Variants in JAM3 observed in about 807,000 individuals in gnomAD.
JAM3 encodes the protein junctional adhesion molecule C.
In JAM3, 31 loss-of-function variants were observed where a neutral mutation model predicts 39.4. The observed-to-expected ratio is 0.79, with a 90% CI of 0.59 to 1.06. The LOEUF is 1.06. JAM3 is among the 50% of genes least tolerant of loss of function. The probability of loss-of-function intolerance (pLI) is 0.00; values close to 1 mark genes in which losing one functional copy is unlikely to be tolerated. For missense variants in JAM3, 455 were observed against 391.4 expected (o/e 1.16, Z -1.37); for synonymous variants, 182 against 148.7 (o/e 1.22, Z -1.63).
At chr11:134,122,488 G>A (rs1254615081) in intron 1 of JAM3, among the ~76,000 whole-genome samples, 4 of 152,184 alleles carry the variant, frequency 2.6e-5, no homozygotes, top group African/African-American at 9.7e-5. Flanking sequence ...ACCCAGCCAA[G>A]AATCTGCAGA....
At chr11:134,114,266 G>T (rs1252375929) in intron 1 of JAM3, among the ~76,000 whole-genome samples, 1 of 152,168 alleles carries the variant, frequency 6.6e-6, no homozygotes, top group African/African-American at 2.4e-5. Flanking sequence ...TGAAGTCCTT[G>T]CCCATGCCTA....
At chr11:134,103,725 T>C (rs1255013217) in intron 1 of JAM3, among the ~76,000 whole-genome samples, 3 of 152,120 alleles carry the variant, frequency 2.0e-5, no homozygotes, top group Non-Finnish European at 2.9e-5. Context: ...TAGTCTCTGA[T>C]AAAACAGACT....
At position 134,149,148 on chromosome 11, in the gene JAM3, C is replaced by A. The variant is rs200279211; in HGVS notation, c.900C>A (p.Gly300=). The change falls in exon 9 of 9, where the codon GGC becomes GGA. Residue 300 remains glycine, a splice_region_variant and synonymous_variant. Transcript: ENST00000299106. ...CTAACTGTGTGTTGGCTTTGCAGGG[C>A]GACTTCAGACACAAGTCATCGTTTG... The part of the protein sequence containing the change: ...GVNYIRTDEE[G]DFRHKSSFVI 6.8e-6 allele frequency: 11 copies of A among 1,614,020 alleles called. No homozygotes were observed. Among genetic ancestry groups the A allele is most frequent in the Non-Finnish European group, 9.3e-6 (11 of 1,179,874 alleles).
At chr11:134,119,564 G>A (rs1942497597) in intron 1 of JAM3, among the ~76,000 whole-genome samples, 3 of 152,210 alleles carry the variant, frequency 2.0e-5, no homozygotes, top group Admixed American at 6.5e-5. Context: ...GGTGAGTTCA[G>A]AATCTGCAGT....
chr11:134,089,359 A>G (rs1259688), intron 1 of JAM3, among the ~76,000 whole-genome samples: 60,062 of 151,786 alleles, frequency 0.4, 12,935 homozygotes, highest in African/African-American at 0.58. Context: ...TGTGCACAGC[A>G]TGCAGGTTAG....
chr11:134,103,586 A>G (rs969852183), intron 1 of JAM3, among the ~76,000 whole-genome samples: 5 of 152,224 alleles, frequency 3.3e-5, no homozygotes, highest in African/African-American at 9.6e-5. Context: ...TAAAGAGTCA[A>G]GACCCATCAG....
chr11:134,143,404 TA>T (rs1451402922), intron 3 of JAM3, among the ~76,000 whole-genome samples: 23 of 152,308 alleles, frequency 1.5e-4, no homozygotes, highest in African/African-American at 3.8e-4. Flanking sequence ...CATTTAAAAA[TA>T]TTTTTTTTTC....
intron 1 of JAM3, among the ~76,000 whole-genome samples, chr11:134,115,163 G>A (rs1185073772): frequency 6.6e-6 from 1 of 151,856 alleles, no homozygotes; most frequent in Non-Finnish European, 1.5e-5. Context: ...AATATTCTTT[G>A]CTCTGAAATA....
chr11:134,149,297 G>A lies in JAM3; in HGVS notation c.*116G>A, dbSNP rs1045824840. On this transcript the variant is annotated 3_prime_UTR_variant, in exon 9 of 9. Transcript: ENST00000299106. Reference sequence around the variant, plus strand: ...GACAGAGCTAGACACTCATTCAGAAGCTTTTCGTTTTGGCCAAAGTTGACC... The same window carrying A: ...GACAGAGCTAGACACTCATTCAGAAACTTTTCGTTTTGGCCAAAGTTGACC... 2.3e-6 allele frequency: 3 copies of A among 1,320,678 alleles called. No individual in the cohort carries two copies. The highest frequency in any genetic ancestry group is 3.2e-6 in the Non-Finnish European group (3 of 934,714). The allele number at this position is 1,320,678 out of a possible 1,614,324, so 81.8% of individuals were successfully genotyped here.
chr11:134,092,157 T>C (rs1941872921), intron 1 of JAM3, among the ~76,000 whole-genome samples: 1 of 152,176 alleles, frequency 6.6e-6, no homozygotes, highest in Admixed American at 6.5e-5. Context: ...AGTGGCCTCT[T>C]GCTCAGTGTA....
chr11:134,148,858 C>T, intron 8 of JAM3, 40 bp downstream of exon 8: 2 of 1,597,604 alleles, frequency 1.3e-6, no homozygotes, highest in Non-Finnish European at 1.7e-6. Flanking sequence ...GTGTACCCAG[C>T]AGGGAAAACA....
intron 1 of JAM3, among the ~76,000 whole-genome samples, chr11:134,123,574 A>G (rs1233194934): frequency 6.6e-6 from 1 of 152,268 alleles, no homozygotes; most frequent in African/African-American, 2.4e-5. Context: ...TTCAAACTCC[A>G]AAACTAGGAG....
intron 1 of JAM3, among the ~76,000 whole-genome samples, chr11:134,099,898 C>T (rs1942044543): frequency 1.3e-5 from 2 of 152,214 alleles, no homozygotes; most frequent in South Asian, 4.1e-4. Flanking sequence ...AGCCACCGCG[C>T]CCGGCTTGCT....
At chr11:134,132,711 G>A (rs1942790781) in intron 1 of JAM3, among the ~76,000 whole-genome samples, 1 of 152,148 alleles carries the variant, frequency 6.6e-6, no homozygotes, top group Admixed American at 6.5e-5. Flanking sequence ...CCCTATGCCA[G>A]GAGTATGGGG....
At position 134,150,660 on chromosome 11, in the gene JAM3, T is replaced by C. The variant is rs1943193188; in HGVS notation, c.*1479T>C. 1 of 151,906 alleles carries C rather than the reference T, an allele frequency of 6.6e-6. No homozygotes were observed. Among genetic ancestry groups the C allele is most frequent in the Non-Finnish European group, 1.5e-5 (1 of 67,946 alleles). 9.4% of individuals were successfully genotyped at this position (151,906 alleles called of 1,614,324 possible). On this transcript the variant is annotated 3_prime_UTR_variant, in exon 9 of 9. Coordinates refer to ENST00000299106, the MANE Select transcript of JAM3 (RefSeq NM_032801.5). ...ATGCTATTTTTTTTTTTTAAGTTTGTTTAATTATTTGTTAAGATTGTCTAA... is the reference window on the plus strand; with the variant it reads ...ATGCTATTTTTTTTTTTTAAGTTTGCTTAATTATTTGTTAAGATTGTCTAA...
At chr11:134,126,052 C>T (rs1942642335) in intron 1 of JAM3, among the ~76,000 whole-genome samples, 1 of 152,188 alleles carries the variant, frequency 6.6e-6, no homozygotes, top group Non-Finnish European at 1.5e-5. Context: ...GCTGGCTCCT[C>T]ATATGTGAAA....
At chr11:134,101,149 G>A (rs896729931) in intron 1 of JAM3, among the ~76,000 whole-genome samples, 2 of 152,116 alleles carry the variant, frequency 1.3e-5, no homozygotes, top group Non-Finnish European at 2.9e-5. Context: ...TCTTCAAACA[G>A]AAACAACCAG....
intron 1 of JAM3, among the ~76,000 whole-genome samples, chr11:134,121,635 T>C (rs1415354694): frequency 6.6e-6 from 1 of 152,216 alleles, no homozygotes; most frequent in Non-Finnish European, 1.5e-5. Flanking sequence ...AAGAAAAAGA[T>C]TCCTTTAATT....
At chr11:134,116,648 G>A (rs1216670047) in intron 1 of JAM3, among the ~76,000 whole-genome samples, 1 of 151,638 alleles carries the variant, frequency 6.6e-6, no homozygotes, top group Admixed American at 6.6e-5. Flanking sequence ...ATTTTTCAGG[G>A]AGCCCTGATT....
Sources: allele counts gnomAD v4.1 joint callset (sites outside exome capture counted in the v4.1 genomes callset), GRCh38; gene constraint gnomAD v4.1.1; transcripts MANE v1.5; gene names NCBI Gene and HGNC (gene_info 2026-07-23, HGNC 2026-07-21).